The following MLH3 variants were observed in gnomAD, a reference collection of about 807,000 sequenced individuals.
MLH3 encodes the protein mutL homolog 3.
A neutral mutation model predicts 122.2 loss-of-function variants in MLH3; 82 were observed. That is an observed-to-expected ratio of 0.67 (90% CI 0.56 to 0.81). The LOEUF is 0.81. Among genes scored for constraint, MLH3 ranks in the 30% least tolerant of loss-of-function variants. The pLI is 0.00. For missense variants in MLH3, 1,539 were observed against 1,714.5 expected (o/e 0.90, Z 1.81); for synonymous variants, 524 against 599.5 (o/e 0.87, Z 1.84).
At chr14:75,050,094 G>A (rs1226472838) in intron 1 of MLH3, among the ~76,000 whole-genome samples, 1 of 152,138 alleles carries the variant, frequency 6.6e-6, no homozygotes, top group African/African-American at 2.4e-5. Context: ...TGACAAAAAT[G>A]TCCAAGCTAG....
intron 4 of MLH3, among the ~76,000 whole-genome samples, chr14:75,040,422 C>T (rs950532696): frequency 1.7e-5 from 2 of 116,362 alleles, no homozygotes; most frequent in Admixed American, 1.3e-4. Flanking sequence ...TGCACTTCAG[C>T]CTGGGCGACA....
intron 6 of MLH3, chr14:75,036,754 A>C (rs750322670): frequency 1.3e-5 from 6 of 456,102 alleles, no homozygotes; most frequent in African/African-American, 4.0e-5. Context: ...TATGGAGGCC[A>C]GAACACCAGA....
intron 11 of MLH3, among the ~76,000 whole-genome samples, chr14:75,021,818 C>T (rs1412095942): frequency 6.6e-6 from 1 of 152,184 alleles, no homozygotes; most frequent in Non-Finnish European, 1.5e-5. Context: ...CCCAGTAATC[C>T]TATTACTGGG....
In MLH3 at chr14:75,039,918, G is replaced by A; in HGVS notation, c.3563C>T (p.Ser1188Leu). The A allele has an allele frequency of 6.9e-7, 1 of 1,447,918 alleles. No homozygotes were observed. Among genetic ancestry groups the A allele is most frequent in the Non-Finnish European group, 9.5e-7 (1 of 1,053,428 alleles). The allele number at this position is 1,447,918 out of a possible 1,614,324, so 89.7% of individuals were successfully genotyped here. A position where few individuals can be genotyped will look rare whatever the true frequency, so the allele number is the denominator to read the frequency against. ...PYRFTKGMIH[S>L]MQVLQQVDNK... Reference sequence around the variant, plus strand: ...TTGAAGTTAATCTTTTACCTGCATTGAATGAATCATTCCTTTGGTGAAACG... The same window carrying A: ...TTGAAGTTAATCTTTTACCTGCATTAAATGAATCATTCCTTTGGTGAAACG... Residue 1188 changes from serine to leucine, a missense_variant, in exon 5 of 13, where the codon TCA becomes TTA. Ser to Leu is a moderately radical substitution (Grantham distance 145, BLOSUM62 -2). Coordinates refer to ENST00000355774, the MANE Select transcript of MLH3 (RefSeq NM_001040108.2).
intron 11 of MLH3, chr14:75,020,873 T>G (rs537378128): frequency 3.3e-5 from 5 of 151,368 alleles, no homozygotes; most frequent in African/African-American, 1.2e-4. Context: ...TTCATTATTA[T>G]TATTATTATT....
chr14:75,020,865 C>CATTATTATTATTATT (rs35881732), intron 11 of MLH3: 2 of 148,178 alleles, frequency 1.3e-5, no homozygotes, highest in East Asian at 4.0e-4. Context: ...ATTCCATCTT[C>CATTATTATTATTATT]ATTATTATTA....
chr14:75,034,108 G>A (rs1028781791), intron 6 of MLH3, among the ~76,000 whole-genome samples: 2 of 151,560 alleles, frequency 1.3e-5, no homozygotes, highest in African/African-American at 4.9e-5. Flanking sequence ...CAGGAGAATC[G>A]CTTGAACCCA....
chr14:75,036,634 G>A (rs578208369), intron 6 of MLH3: 12 of 455,856 alleles, frequency 2.6e-5, no homozygotes, highest in East Asian at 1.4e-4. Context: ...GTGAGCCACC[G>A]TGCCTGGCCA....
rs772186498 is a variant in MLH3 at position 75,022,868 on chromosome 14, G to A, written c.4036C>T (p.Gln1346Ter). ...TGGACAGTCAGTGGCAATGTCCCTT[G>A]GATGCCTCCGGTGGTCTGGAGTAGC... is the stretch of plus-strand genomic sequence containing the variant. ...LELLQTTGGI[Q>*]GTLPLTVQKV... Residue 1346 changes from glutamine (Q) to a stop codon, truncating the protein, a stop_gained, in exon 11 of 13, where the codon CAA becomes TAA. Coordinates refer to ENST00000355774, the MANE Select transcript of MLH3 (RefSeq NM_001040108.2). LOFTEE classifies it high-confidence loss of function. 1 of 1,614,024 alleles carries A rather than the reference G, an allele frequency of 6.2e-7. No individual in the cohort carries two copies. The highest frequency in any genetic ancestry group is 1.7e-5 in the Admixed American group (1 of 60,000).
Position 75,047,108 on chromosome 14 carries a change from G to A in MLH3, c.2548C>T (p.Pro850Ser). ...AGAGATAACTCCTTCAGGGTCATAG[G>A]ACTTTCTCTCAAACTAGGCATCTGT... ...EQQMPSLRES[P>S]MTLKELSLFN... is the part of the protein sequence containing the mutation. Residue 850 changes from proline to serine, a missense_variant, in exon 2 of 13, where the codon CCT (proline) becomes TCT (serine). By Grantham distance (74) the Pro-to-Ser change is moderately conservative. Transcript: ENST00000355774. The A allele has an allele frequency of 1.2e-6, 2 of 1,614,140 alleles. No homozygotes were observed. The highest frequency in any genetic ancestry group is 2.2e-5 in the East Asian group (1 of 44,874).
chr14:75,019,492 CT>C (rs1241722610), intron 11 of MLH3, among the ~76,000 whole-genome samples: 4 of 149,832 alleles, frequency 2.7e-5, no homozygotes, highest in African/African-American at 9.8e-5. Flanking sequence ...CAGGACTGAC[CT>C]TCTGTCTCTC....
At chr14:75,019,282 C>T (rs28612886) in intron 11 of MLH3, among the ~76,000 whole-genome samples, 64 of 151,852 alleles carry the variant, frequency 4.2e-4, no homozygotes, top group African/African-American at 1.4e-3. Flanking sequence ...TGGTGGCACG[C>T]GCCTATAGTC....
rs543186188 is a variant in MLH3, at chr14:75,015,791, C to T, written c.*1291G>A. On this transcript the variant is annotated 3_prime_UTR_variant, in exon 13 of 13. Coordinates refer to ENST00000355774, the MANE Select transcript of MLH3 (RefSeq NM_001040108.2). Reference sequence around the variant, plus strand: ...CAGACGCTAATGAATGCAATACTTTCATTGCTCCTGTAAGATTCACTTCAA... The same window carrying T: ...CAGACGCTAATGAATGCAATACTTTTATTGCTCCTGTAAGATTCACTTCAA... The T allele has an allele frequency of 3.0e-4, 67 of 223,970 alleles. No individual in the cohort carries two copies. Among genetic ancestry groups the T allele is most frequent in the Non-Finnish European group, 5.3e-4 (59 of 112,192 alleles). The allele number at this position is 223,970 out of a possible 1,614,324, so 13.9% of individuals were successfully genotyped here.
chr14:75,033,483 GT>G lies in MLH3; in HGVS notation c.3650del (p.Asn1217ThrfsTer43). 2 of 1,613,716 alleles carry G rather than the reference GT, an allele frequency of 1.2e-6. No homozygotes were observed. The highest frequency in any genetic ancestry group is 1.7e-6 in the Non-Finnish European group (2 of 1,179,654). On this transcript the variant is annotated frameshift_variant, in exon 7 of 13. Coordinates refer to ENST00000355774, the MANE Select transcript of MLH3 (RefSeq NM_001040108.2). LOFTEE classifies it high-confidence loss of function. ...CGTGCTGATCCACCAGCACGAGCAG[GT>G]TCCCACCTAGATGAGCAAGGATTGT... ...KTEENGEAGG[N>X]LLVLVDQHAA...
intron 9 of MLH3, among the ~76,000 whole-genome samples, chr14:75,029,146 A>AAAAAG (rs1293302254): frequency 7.2e-6 from 1 of 139,468 alleles, no homozygotes; most frequent in African/African-American, 2.6e-5. Flanking sequence ...AAAAAAAAAA[A>AAAAAG]AAAGAAAGAA....
At chr14:75,039,171 G>T (rs1891633537) in intron 5 of MLH3, among the ~76,000 whole-genome samples, 1 of 152,076 alleles carries the variant, frequency 6.6e-6, no homozygotes, top group African/African-American at 2.4e-5. Context: ...GTCTATTAAA[G>T]AAGTAAGTTA....
In MLH3 at chr14:75,015,897, T is replaced by C; in HGVS notation, c.*1185A>G. 1 of 230,444 alleles carries C rather than the reference T, an allele frequency of 4.3e-6. No homozygotes were observed. Among genetic ancestry groups the C allele is most frequent in the Non-Finnish European group, 8.6e-6 (1 of 116,420 alleles). The allele number at this position is 230,444 out of a possible 1,614,324, so 14.3% of individuals were successfully genotyped here. On this transcript the variant is annotated 3_prime_UTR_variant, in exon 13 of 13. Coordinates refer to ENST00000355774, the MANE Select transcript of MLH3 (RefSeq NM_001040108.2). ...AAAATGAGGAAAATCATTCAATTGATATAAAAGCCACTTTGAGCAGGCTGG... is the reference window on the plus strand; with the variant it reads ...AAAATGAGGAAAATCATTCAATTGACATAAAAGCCACTTTGAGCAGGCTGG...
rs766265028 is a variant in MLH3 at position 75,047,630 on chromosome 14, T to C, written c.2026A>G (p.Arg676Gly). ...TCTAGCCCATAACTTATATTCGTTC[T>C]GCAATTTTTTTTGTTGGGCAATTGA... ...SGQLPNKKNCRTNISYGLENE... is the reference protein window; with the variant it reads ...SGQLPNKKNCGTNISYGLENE... Residue 676 changes from arginine to glycine, a missense_variant, in exon 2 of 13, where the codon AGA becomes GGA. Coordinates refer to ENST00000355774, the MANE Select transcript of MLH3 (RefSeq NM_001040108.2). The C allele has an allele frequency of 6.2e-7, 1 of 1,614,040 alleles. No individual in the cohort carries two copies. Among genetic ancestry groups the C allele is most frequent in the Non-Finnish European group, 8.5e-7 (1 of 1,179,964 alleles).
In MLH3 at chr14:75,040,065, A is replaced by G. The variant is rs1247305318; in HGVS notation, c.3466-50T>C. ...TTGAAATTTTAATTTTTGTGTCAGAATTGTTTTACCAAAGATATCAGAGTG... is the reference window on the plus strand; with the variant it reads ...TTGAAATTTTAATTTTTGTGTCAGAGTTGTTTTACCAAAGATATCAGAGTG... On this transcript the variant is annotated intron_variant, in intron 4 of 12. Coordinates refer to ENST00000355774, the MANE Select transcript of MLH3 (RefSeq NM_001040108.2). 3 of 986,776 alleles carry G rather than the reference A, an allele frequency of 3.0e-6. No homozygotes were observed. The Admixed American group carries it at 5.2e-5, about 17-fold the overall frequency. The allele number at this position is 986,776 out of a possible 1,614,324, so 61.1% of individuals were successfully genotyped here.
Sources: allele counts gnomAD v4.1 joint callset (sites outside exome capture counted in the v4.1 genomes callset), GRCh38; gene constraint gnomAD v4.1.1; transcripts MANE v1.5; gene names NCBI Gene and HGNC (gene_info 2026-07-23, HGNC 2026-07-21).